DNAJB6: variants seen among roughly 807,000 people sequenced by gnomAD.
The protein encoded by DNAJB6 is DnaJ heat shock protein family (Hsp40) member B6.
In DNAJB6, 16 loss-of-function variants were observed where a neutral mutation model predicts 42.7. The ratio of observed to expected loss-of-function variants is 0.37; its 90% CI spans 0.25 to 0.57. The LOEUF (loss-of-function observed/expected upper bound fraction) is 0.57, where lower values mean the gene tolerates loss of function less well. Ranked by LOEUF, DNAJB6 falls within the 20% of genes least tolerant of loss-of-function variation. DNAJB6 has a pLI of 0.74. For missense variants in DNAJB6, 347 were observed against 416.8 expected (o/e 0.83, Z 1.46); for synonymous variants, 170 against 163.5 (o/e 1.04, Z -0.30).
intron 8 of DNAJB6, chr7:157,386,408 C>A: frequency 1.6e-6 from 1 of 623,700 alleles, no homozygotes; most frequent in Non-Finnish European, 2.0e-6. Context: ...CAGGTGGATG[C>A]CGCACCTCAG....
At chr7:157,371,521 T>C (rs1800210919) in intron 5 of DNAJB6, among the ~76,000 whole-genome samples, 1 of 152,218 alleles carries the variant, frequency 6.6e-6, no homozygotes, top group Admixed American at 6.5e-5. Context: ...ACCCGTCCTT[T>C]ACAGAAGAAG....
chr7:157,399,757 C>T lies in DNAJB6; in HGVS notation c.692-10038C>T, dbSNP rs192307503. 2.6e-3 allele frequency among the ~76,000 whole-genome samples: 392 copies of T among 152,300 alleles called. 2 individuals are homozygous for T. The highest frequency in any genetic ancestry group is 0.017 in the Middle Eastern group (5 of 294). ...AGTTGTGGCTCACTGCAACGTCCGC[C>T]TCCTGGGTTCAAGCAATTCTCCTGC... On this transcript the variant is annotated intron_variant, in intron 8 of 9. Transcript: ENST00000262177.
chr7:157,389,605 G>A (rs969422448), intron 8 of DNAJB6, among the ~76,000 whole-genome samples: 1 of 152,202 alleles, frequency 6.6e-6, no homozygotes, highest in African/African-American at 2.4e-5. Flanking sequence ...CTAGGGACGT[G>A]GGGGGAGCTA....
chr7:157,353,587 GT>G (rs1563115190), intron 1 of DNAJB6, among the ~76,000 whole-genome samples: 60 of 16,118 alleles, frequency 3.7e-3, no homozygotes, highest in African/African-American at 0.011. Flanking sequence ...CTTGACCGGG[GT>G]GTGTGTGTGT....
intron 1 of DNAJB6, among the ~76,000 whole-genome samples, chr7:157,348,706 A>C (rs1037676130): frequency 6.6e-6 from 1 of 152,070 alleles, no homozygotes; most frequent in African/African-American, 2.4e-5. Context: ...TAACTCTTCT[A>C]CTTACAGTGG....
chr7:157,337,550 T>C (rs527576773), intron 1 of DNAJB6: 1 of 152,056 alleles, frequency 6.6e-6, no homozygotes, highest in Admixed American at 6.5e-5. Flanking sequence ...CGCACTCGCG[T>C]CTGAAACCAG....
chr7:157,372,751 T>G (rs1258046454), intron 5 of DNAJB6, among the ~76,000 whole-genome samples: 1 of 152,068 alleles, frequency 6.6e-6, no homozygotes, highest in Non-Finnish European at 1.5e-5. Context: ...ACTACCAAAA[T>G]GTACCATCTC....
At chr7:157,376,852 C>T (rs1324083103) in intron 5 of DNAJB6, among the ~76,000 whole-genome samples, 3 of 152,176 alleles carry the variant, frequency 2.0e-5, no homozygotes, top group African/African-American at 7.2e-5. Flanking sequence ...TACACTCCAG[C>T]CTGGGCGACA....
chr7:157,402,412 C>T (rs1249880793), intron 8 of DNAJB6, among the ~76,000 whole-genome samples: 1 of 152,242 alleles, frequency 6.6e-6, no homozygotes, highest in Non-Finnish European at 1.5e-5. Context: ...AGCGAGGCCC[C>T]CTCCCACCTG....
In DNAJB6 at chr7:157,367,568, A is replaced by G. The variant is rs1348486963; in HGVS notation, c.346+85A>G. 10 of 906,170 alleles carry G rather than the reference A, an allele frequency of 1.1e-5. No individual in the cohort carries two copies. In the East Asian group the frequency reaches 2.0e-4, roughly 18 times the overall value. The allele number at this position is 906,170 out of a possible 1,614,324, so 56.1% of individuals were successfully genotyped here. A position where few individuals can be genotyped will look rare whatever the true frequency, so the allele number is the denominator to read the frequency against. ...AGTATGGCCTTTCTGTTGAATTAAC[A>G]TTGTATTTTAGGCTGGGCGCGGTGG... On this transcript the variant is annotated intron_variant, in intron 5 of 9. Coordinates refer to ENST00000262177, the MANE Select transcript of DNAJB6 (RefSeq NM_058246.4).
At chr7:157,400,614 C>T (rs974212931) in intron 8 of DNAJB6, among the ~76,000 whole-genome samples, 1 of 152,208 alleles carries the variant, frequency 6.6e-6, no homozygotes, top group African/African-American at 2.4e-5. Context: ...CGGTCTCCGC[C>T]GCTGGTGGTC....
At chr7:157,359,965 A>C (rs1334412101) in intron 2 of DNAJB6, among the ~76,000 whole-genome samples, 1 of 152,242 alleles carries the variant, frequency 6.6e-6, no homozygotes, top group Non-Finnish European at 1.5e-5. Flanking sequence ...CACTGTGAGG[A>C]AGCCTGTGCT....
intron 8 of DNAJB6, among the ~76,000 whole-genome samples, chr7:157,403,818 A>G (rs933778067): frequency 3.9e-5 from 6 of 152,248 alleles, no homozygotes; most frequent in Non-Finnish European, 7.3e-5. Flanking sequence ...TTTAGGGGGA[A>G]GCGCAGCCCA....
chr7:157,338,334 TC>T (rs1274693308), intron 1 of DNAJB6, among the ~76,000 whole-genome samples: 62 of 150,848 alleles, frequency 4.1e-4, no homozygotes, highest in African/African-American at 8.5e-4. Context: ...ACTCCAGACT[TC>T]CTTTTTTTTT....
chr7:157,367,002 C>T (rs1182630779), intron 4 of DNAJB6, among the ~76,000 whole-genome samples: 5 of 152,226 alleles, frequency 3.3e-5, no homozygotes, highest in Admixed American at 2.0e-4. Flanking sequence ...CCCACTGGGG[C>T]CACGCGGCAG....
At chr7:157,361,914 G>A (rs532349139) in intron 2 of DNAJB6, among the ~76,000 whole-genome samples, 1 of 151,888 alleles carries the variant, frequency 6.6e-6, no homozygotes, top group Middle Eastern at 3.4e-3. Flanking sequence ...GATTACAGGT[G>A]CGTGCCTTCA....
chr7:157,407,757 A>G (rs1795825334), intron 8 of DNAJB6, among the ~76,000 whole-genome samples: 1 of 152,118 alleles, frequency 6.6e-6, no homozygotes, highest in South Asian at 2.1e-4. Context: ...GTTGCCACAC[A>G]ACAGCGACTT....
intron 9 of DNAJB6, chr7:157,411,751 C>G (rs905036204): frequency 2.4e-5 from 2 of 84,298 alleles, no homozygotes; most frequent in Non-Finnish European, 4.8e-5. Flanking sequence ...ACCGCAGGCC[C>G]GAGGCCACAC....
intron 1 of DNAJB6, chr7:157,337,950 A>G (rs1262837867): frequency 1.3e-5 from 2 of 152,202 alleles, no homozygotes; most frequent in African/African-American, 4.8e-5. Context: ...CGGGGCAGGA[A>G]ACAGCGCAAG....
Sources: gnomAD v4.1 joint callset for allele counts (sites outside exome capture counted in the v4.1 genomes callset) on GRCh38, gnomAD v4.1.1 for gene constraint, MANE v1.5 for transcripts, NCBI Gene and HGNC (gene_info 2026-07-23, HGNC 2026-07-21) for gene names.